The following AGPAT3 variants were observed in gnomAD, a reference collection of about 807,000 sequenced individuals.
AGPAT3 encodes the protein 1-acylglycerol-3-phosphate O-acyltransferase 3.
In AGPAT3, 5 loss-of-function variants were observed where a neutral mutation model predicts 47.3. The observed-to-expected ratio is 0.11, with a 90% CI of 0.06 to 0.22. The LOEUF is 0.22. Ranked by LOEUF, AGPAT3 falls within the 10% of genes least tolerant of loss-of-function variation. The probability of loss-of-function intolerance (pLI) is 1.00; values close to 1 mark genes in which losing one functional copy is unlikely to be tolerated. For missense variants in AGPAT3, 315 were observed against 493.0 expected, an observed-to-expected ratio of 0.64 and a Z score of 3.42; for synonymous variants, 212 against 208.3, an observed-to-expected ratio of 1.02 and a Z score of -0.15.
intron 2 of AGPAT3, among the ~76,000 whole-genome samples, chr21:43,953,678 T>C (rs563371141): frequency 3.4e-4 from 52 of 152,340 alleles, no homozygotes; most frequent in Non-Finnish European, 5.3e-4. Flanking sequence ...GAGCTTTTTT[T>C]GTGGGGTTTG....
At chr21:43,953,625 T>C (rs959739056) in intron 2 of AGPAT3, among the ~76,000 whole-genome samples, 1 of 152,230 alleles carries the variant, frequency 6.6e-6, no homozygotes, top group African/African-American at 2.4e-5. Flanking sequence ...GCAGTGGGAA[T>C]GCAGATTCCA....
rs987321241 is a variant in AGPAT3, at chr21:43,920,130, C to T, written c.-49+16111C>T. Among the ~76,000 whole-genome samples the T allele has an allele frequency of 6.6e-6, 1 of 152,126 alleles. No homozygotes were observed. The highest frequency in any genetic ancestry group is 2.4e-5 in the African/African-American group (1 of 41,408). On this transcript the variant is annotated intron_variant, in intron 2 of 9. Coordinates refer to ENST00000291572, the MANE Select transcript of AGPAT3 (RefSeq NM_020132.5). This position sits in a 1 kb window ranked among gnomAD's most constrained non-coding sequence, Gnocchi z 6.1. ...GGGGTGTGACCACGTCCGCACCCCT[C>T]CCAGAGTGCGAGGCTGTGTCTTTTT...
chr21:43,962,973 TACAG>T (rs914612677), intron 3 of AGPAT3, among the ~76,000 whole-genome samples: 1 of 152,082 alleles, frequency 6.6e-6, no homozygotes, highest in African/African-American at 2.4e-5. Flanking sequence ...AGCAAAAACT[TACAG>T]ACAGGTTTTG....
intron 1 of AGPAT3, among the ~76,000 whole-genome samples, chr21:43,876,663 G>A (rs1370566052): frequency 1.3e-5 from 2 of 152,192 alleles, no homozygotes; most frequent in Non-Finnish European, 2.9e-5. Context: ...ATGAACAGTA[G>A]AAGGAATGTC....
Position 43,986,428 on chromosome 21 carries a change from T to C in AGPAT3, c.*4036T>C, listed in dbSNP as rs2030306679. The stretch of plus-strand genomic sequence containing the variant: ...AATGTCACCTGGAGTTCGTCTCCAT[T>C]TCTTAACTTTTTGTTGCACAAGTAT... On this transcript the variant is annotated 3_prime_UTR_variant, in exon 10 of 10. Transcript: ENST00000291572. 1 of 152,638 alleles carries C rather than the reference T, an allele frequency of 6.6e-6. No individual in the cohort carries two copies. Among genetic ancestry groups the C allele is most frequent in the African/African-American group, 2.4e-5 (1 of 41,460 alleles). 9.5% of individuals were successfully genotyped at this position (152,638 alleles called of 1,614,324 possible). A position where few individuals can be genotyped will look rare whatever the true frequency, so the allele number is the denominator to read the frequency against.
At chr21:43,874,053 T>G (rs2085681343) in intron 1 of AGPAT3, among the ~76,000 whole-genome samples, 1 of 152,260 alleles carries the variant, frequency 6.6e-6, no homozygotes, top group South Asian at 2.1e-4. Flanking sequence ...TATTATTTTT[T>G]GAGACAGAGT....
rs944472082 is a variant in AGPAT3, at chr21:43,984,182, T to C, written c.*1790T>C. 1 of 152,270 alleles carries C rather than the reference T, an allele frequency of 6.6e-6. No homozygotes were observed. The highest frequency in any genetic ancestry group is 2.4e-5 in the African/African-American group (1 of 41,456). 9.4% of individuals were successfully genotyped at this position (152,270 alleles called of 1,614,324 possible). ...CTTGCAGACACTGTTGTTTTGGAAA[T>C]GTGCTTCCCTCCATCTGAAATCTCA... On this transcript the variant is annotated 3_prime_UTR_variant, in exon 10 of 10. Coordinates refer to ENST00000291572, the MANE Select transcript of AGPAT3 (RefSeq NM_020132.5).
rs1205729878 is a variant in AGPAT3 at position 43,922,986 on chromosome 21, C to T, written c.-49+18967C>T. ...TCAGGAGTCCCTGTTTCTTTCTCCC[C>T]ATGCTCACACGGGGTTTTTAGACTT... On this transcript the variant is annotated intron_variant, in intron 2 of 9. Transcript: ENST00000291572. The surrounding 1 kb of genome is among the most constrained non-coding windows in gnomAD (Gnocchi z 4.9). Among the ~76,000 whole-genome samples the T allele has an allele frequency of 4.6e-5, 7 of 152,202 alleles. No homozygotes were observed. The highest frequency in any genetic ancestry group is 1.7e-4 in the African/African-American group (7 of 41,454).
At chr21:43,945,191 T>C (rs2087830992) in intron 2 of AGPAT3, among the ~76,000 whole-genome samples, 1 of 152,202 alleles carries the variant, frequency 6.6e-6, no homozygotes, top group African/African-American at 2.4e-5. Context: ...CTGGGGACTA[T>C]GGTGACAGGA....
At chr21:43,918,943 TTTGTC>T (rs2086825135) in intron 2 of AGPAT3, among the ~76,000 whole-genome samples, 1 of 152,190 alleles carries the variant, frequency 6.6e-6, no homozygotes, top group African/African-American at 2.4e-5. Flanking sequence ...TTTTTCTTTT[TTTGTC>T]TTAACTTTCT....
In AGPAT3 at chr21:43,985,197, G is replaced by C. The variant is rs1444495388; in HGVS notation, c.*2805G>C. 2 of 455,926 alleles carry C rather than the reference G, an allele frequency of 4.4e-6. No homozygotes were observed. The highest frequency in any genetic ancestry group is 4.0e-5 in the African/African-American group (2 of 49,850). The allele number at this position is 455,926 out of a possible 1,614,324, so 28.2% of individuals were successfully genotyped here. ...TGGGGTCTCCTGCCCATCTTCCCAA[G>C]GATGCCATTGCTGTCTTCATCGTCT... On this transcript the variant is annotated 3_prime_UTR_variant, in exon 10 of 10. Coordinates refer to ENST00000291572, the MANE Select transcript of AGPAT3 (RefSeq NM_020132.5).
chr21:43,891,552 GA>G, intron 1 of AGPAT3, among the ~76,000 whole-genome samples: 1 of 151,820 alleles, frequency 6.6e-6, no homozygotes, highest in Non-Finnish European at 1.5e-5. Flanking sequence ...AGAATGGCGT[GA>G]ACCCGGGAGG....
At chr21:43,953,980 A>G (rs1025282209) in intron 2 of AGPAT3, among the ~76,000 whole-genome samples, 4 of 152,244 alleles carry the variant, frequency 2.6e-5, no homozygotes, top group African/African-American at 9.6e-5. Context: ...CCTGGGTGAC[A>G]GAGTGATATT....
chr21:43,891,344 C>T (rs1359656254), intron 1 of AGPAT3, among the ~76,000 whole-genome samples: 5 of 152,148 alleles, frequency 3.3e-5, no homozygotes, highest in African/African-American at 1.2e-4. Context: ...CCATAAGAAG[C>T]AACTCCGGGC....
intron 1 of AGPAT3, among the ~76,000 whole-genome samples, chr21:43,891,858 C>T (rs1416564651): frequency 6.6e-6 from 1 of 152,166 alleles, no homozygotes; most frequent in African/African-American, 2.4e-5. Context: ...TGACCCCCTC[C>T]CATGAATCAT....
chr21:43,900,089 T>C (rs1037734037), intron 1 of AGPAT3, among the ~76,000 whole-genome samples: 1 of 152,030 alleles, frequency 6.6e-6, no homozygotes, highest in African/African-American at 2.4e-5. Context: ...GATCTGGAGG[T>C]AGAAAGAAAA....
At chr21:43,953,671 C>T (rs1431226207) in intron 2 of AGPAT3, among the ~76,000 whole-genome samples, 1 of 152,176 alleles carries the variant, frequency 6.6e-6, no homozygotes, top group Non-Finnish European at 1.5e-5. Flanking sequence ...TCCAGAAGAG[C>T]TTTTTTTGTG....
At chr21:43,924,695 C>T (rs1024608978) in intron 2 of AGPAT3, among the ~76,000 whole-genome samples, 10 of 152,212 alleles carry the variant, frequency 6.6e-5, no homozygotes, top group Admixed American at 4.6e-4. Context: ...TGCCTTGCCC[C>T]GGCTGTTTCA....
At chr21:43,866,195 CCTTTAA>C (rs2085502909) in intron 1 of AGPAT3, among the ~76,000 whole-genome samples, 1 of 128,592 alleles carries the variant, frequency 7.8e-6, no homozygotes, top group Non-Finnish European at 1.8e-5. Flanking sequence ...GCTTCCCAGA[CCTTTAA>C]AAAAAAAAAA....
Sources: gnomAD v4.1 joint callset for allele counts (sites outside exome capture counted in the v4.1 genomes callset) on GRCh38, gnomAD v4.1.1 for gene constraint, Gnocchi (gnomAD v3.1) non-coding constraint, MANE v1.5 for transcripts, NCBI Gene and HGNC (gene_info 2026-07-23, HGNC 2026-07-21) for gene names.